The following GRIK2 variants were observed in gnomAD, a reference collection of about 807,000 sequenced individuals.
GRIK2 encodes glutamate receptor ionotropic, kainate 2.
GRIK2 carries 32 observed loss-of-function variants against 100.3 expected under a neutral mutation model. The observed-to-expected ratio is 0.32, with a 90% CI of 0.24 to 0.43. The LOEUF is 0.43. Ranked by LOEUF, GRIK2 falls within the 20% of genes least tolerant of loss-of-function variation. The pLI is 1.00. For synonymous variants in GRIK2, 417 were observed against 389.4 expected, an observed-to-expected ratio of 1.07 and a Z score of -0.83; for missense variants, 843 against 1,114.9, an observed-to-expected ratio of 0.76 and a Z score of 3.47.
chr6:102,042,135 CA>C lies in GRIK2; in HGVS notation c.2311+6572del, dbSNP rs1770618274. 2.0e-5 allele frequency among the ~76,000 whole-genome samples: 3 copies of C among 151,570 alleles called. No individual in the cohort carries two copies. The South Asian group carries it at 6.2e-4, about 31-fold the overall frequency. ...AACAAGCAAAATGGTTTTCCATTTC[CA>C]AACATGTCTTGAACTTTTAGTAACA... is the stretch of plus-strand genomic sequence containing the variant. On this transcript the variant is annotated intron_variant, in intron 15 of 16. Coordinates refer to ENST00000369134, the MANE Select transcript of GRIK2 (RefSeq NM_021956.5).
chr6:101,983,788 A>G (rs1793855805), intron 14 of GRIK2, among the ~76,000 whole-genome samples: 1 of 151,776 alleles, frequency 6.6e-6, no homozygotes, highest in Non-Finnish European at 1.5e-5. Context: ...TACAGAAACC[A>G]TGTATTTCTA....
At chr6:101,984,598 C>T (rs1793907084) in intron 14 of GRIK2, among the ~76,000 whole-genome samples, 1 of 134,796 alleles carries the variant, frequency 7.4e-6, no homozygotes. Context: ...TTTATATGTG[C>T]AGGAATACAC....
intron 14 of GRIK2, among the ~76,000 whole-genome samples, chr6:101,930,414 CA>C (rs1286267093): frequency 6.6e-6 from 1 of 151,788 alleles, no homozygotes; most frequent in Non-Finnish European, 1.5e-5. Flanking sequence ...TTAGTGTCAA[CA>C]ACTTGAAGGA....
intron 2 of GRIK2, among the ~76,000 whole-genome samples, chr6:101,581,996 A>T (rs114006407): frequency 6.6e-6 from 1 of 151,942 alleles, no homozygotes; most frequent in African/African-American, 2.4e-5. Flanking sequence ...AATCATGGGG[A>T]TGCTTTTCCC....
chr6:101,638,732 GTTTCA>G (rs1189925888), intron 4 of GRIK2, among the ~76,000 whole-genome samples: 1 of 151,860 alleles, frequency 6.6e-6, no homozygotes, highest in Admixed American at 6.6e-5. Context: ...ATATGTAGAT[GTTTCA>G]TTACTGTTTT....
At chr6:101,990,593 T>C (rs1483138385) in intron 14 of GRIK2, among the ~76,000 whole-genome samples, 2 of 151,648 alleles carry the variant, frequency 1.3e-5, no homozygotes, top group Non-Finnish European at 3.0e-5. Flanking sequence ...AATGTAAGTC[T>C]GTGTGTCATG....
chr6:102,035,399 C>A lies in GRIK2; in HGVS notation c.2144C>A (p.Ser715Ter). ...MWAFMSSRRQSVLVKSNEEGI... is the reference protein window; with the variant it reads ...MWAFMSSRRQ ...GCCTTTATGAGTAGCAGAAGGCAGT[C>A]AGTGCTGGTCAAAAGTAATGAAGAA... Residue 715 changes from serine (S) to a stop codon, truncating the protein, a stop_gained, in exon 15 of 17, where the codon TCA becomes TAA. Coordinates refer to ENST00000369134, the MANE Select transcript of GRIK2 (RefSeq NM_021956.5). LOFTEE classifies it high-confidence loss of function. The A allele has an allele frequency of 6.2e-7, 1 of 1,609,090 alleles. No homozygotes were observed. The highest frequency in any genetic ancestry group is 1.1e-5 in the South Asian group (1 of 90,906).
chr6:101,426,941 C>T (rs1769056454), intron 2 of GRIK2, among the ~76,000 whole-genome samples: 1 of 152,078 alleles, frequency 6.6e-6, no homozygotes, highest in South Asian at 2.1e-4. Flanking sequence ...TCTTTAAAGG[C>T]CTAGTTTAAG....
chr6:101,527,035 G>A (rs933715101), intron 2 of GRIK2, among the ~76,000 whole-genome samples: 1 of 152,080 alleles, frequency 6.6e-6, no homozygotes, highest in African/African-American at 2.4e-5. Context: ...TCCTTTTATT[G>A]TTGCTTCCAG....
intron 2 of GRIK2, among the ~76,000 whole-genome samples, chr6:101,525,924 A>T (rs1275138706): frequency 2.6e-5 from 4 of 152,212 alleles, no homozygotes; most frequent in Non-Finnish European, 5.9e-5. Context: ...AATGGAAGGA[A>T]ACAGACACTA....
At chr6:101,556,866 G>A (rs912606193) in intron 2 of GRIK2, among the ~76,000 whole-genome samples, 1 of 152,108 alleles carries the variant, frequency 6.6e-6, no homozygotes, top group East Asian at 1.9e-4. Flanking sequence ...TCTTAATGGT[G>A]ATATTTTTAA....
intron 14 of GRIK2, among the ~76,000 whole-genome samples, chr6:101,968,426 T>A (rs993522540): frequency 4.6e-5 from 7 of 152,022 alleles, no homozygotes; most frequent in Non-Finnish European, 8.8e-5. Context: ...TGCATTAGTG[T>A]CAGTTTTTTA....
At chr6:101,868,940 A>T (rs1236441172) in intron 11 of GRIK2, among the ~76,000 whole-genome samples, 1 of 151,920 alleles carries the variant, frequency 6.6e-6, no homozygotes, top group Non-Finnish European at 1.5e-5. Flanking sequence ...AATACATTTT[A>T]TATACTTTAG....
At chr6:101,932,418 C>CT (rs1204111897) in intron 14 of GRIK2, among the ~76,000 whole-genome samples, 1 of 151,800 alleles carries the variant, frequency 6.6e-6, no homozygotes, top group Non-Finnish European at 1.5e-5. Context: ...CCATTATGCT[C>CT]TTTTTTCATC....
At chr6:101,773,879 T>C (rs80072380) in intron 7 of GRIK2, among the ~76,000 whole-genome samples, 3,761 of 152,268 alleles carry the variant, frequency 0.025, 149 homozygotes, top group East Asian at 0.11. Flanking sequence ...AATTGTACTT[T>C]TTCAAAATTT....
At chr6:101,413,297 A>T (rs1244858266) in intron 2 of GRIK2, among the ~76,000 whole-genome samples, 1 of 151,992 alleles carries the variant, frequency 6.6e-6, no homozygotes, top group Non-Finnish European at 1.5e-5. Flanking sequence ...GTTATTCTTC[A>T]AGAAAGAGAG....
chr6:102,005,816 T>TAA (rs1562104846), intron 14 of GRIK2, among the ~76,000 whole-genome samples: 3 of 152,088 alleles, frequency 2.0e-5, no homozygotes, highest in African/African-American at 7.2e-5. Flanking sequence ...CAATAGATAT[T>TAA]AAGTTTCTGT....
chr6:102,053,207 T>C (rs1285878717), intron 15 of GRIK2, among the ~76,000 whole-genome samples: 2 of 152,126 alleles, frequency 1.3e-5, no homozygotes, highest in African/African-American at 2.4e-5. Context: ...TTGTTGCATA[T>C]ACTGTTTCTA....
intron 4 of GRIK2, among the ~76,000 whole-genome samples, chr6:101,653,453 G>T (rs1251559713): frequency 6.6e-6 from 1 of 151,806 alleles, no homozygotes; most frequent in Non-Finnish European, 1.5e-5. Context: ...CTTGATCAAT[G>T]CCAGGCAAAG....
Sources: allele counts gnomAD v4.1 joint callset (sites outside exome capture counted in the v4.1 genomes callset), GRCh38; gene constraint gnomAD v4.1.1; transcripts MANE v1.5; gene names NCBI Gene and HGNC (gene_info 2026-07-23, HGNC 2026-07-21).